Variants in ALKBH5 observed in about 807,000 individuals in gnomAD.
ALKBH5 encodes alkB homolog 5, RNA demethylase, also known as RNA demethylase ALKBH5.
Under a neutral mutation model 32.1 loss-of-function variants are expected in ALKBH5, and 2 were observed. That is an observed-to-expected ratio of 0.06 (90% CI 0.03 to 0.20). The LOEUF is 0.20. ALKBH5 is among the 10% of genes least tolerant of loss of function. The probability of loss-of-function intolerance (pLI) is 1.00; values close to 1 mark genes in which losing one functional copy is unlikely to be tolerated. For missense variants in ALKBH5, 352 were observed against 559.5 expected, an observed-to-expected ratio of 0.63 and a Z score of 3.74; for synonymous variants, 300 against 231.7, an observed-to-expected ratio of 1.29 and a Z score of -2.68.
chr17:18,185,625 A>G (rs969101146), intron 1 of ALKBH5, among the ~76,000 whole-genome samples: 6 of 152,250 alleles, frequency 3.9e-5, no homozygotes, highest in African/African-American at 1.4e-4. Context: ...AGAAGAGCCC[A>G]TCAGTTCTTT....
intron 2 of ALKBH5, among the ~76,000 whole-genome samples, chr17:18,198,025 C>T (rs187720641): frequency 1.3e-5 from 2 of 152,310 alleles, no homozygotes; most frequent in Admixed American, 1.3e-4. Context: ...GGCATACCTT[C>T]TCATCTAACA....
In ALKBH5 at chr17:18,184,142, A is replaced by C; in HGVS notation, c.-102A>C. 1 of 1,073,522 alleles carries C rather than the reference A, an allele frequency of 9.3e-7. No homozygotes were observed. Among genetic ancestry groups the C allele is most frequent in the Non-Finnish European group, 1.3e-6 (1 of 757,244 alleles). 66.5% of individuals were successfully genotyped at this position (1,073,522 alleles called of 1,614,324 possible). A position where few individuals can be genotyped will look rare whatever the true frequency, so the allele number is the denominator to read the frequency against. ...CACTCACGCATGGGGGTTCGGCGCT[A>C]AGGACCCCCCTCCCTCCGGGGGCCC... On this transcript the variant is annotated 5_prime_UTR_variant, in exon 1 of 4. An upstream open reading frame in the 5' UTR loses its in-frame stop. Transcript: ENST00000399138.
intron 2 of ALKBH5, among the ~76,000 whole-genome samples, chr17:18,204,056 G>T: frequency 6.6e-6 from 1 of 152,132 alleles, no homozygotes; most frequent in East Asian, 1.9e-4. Context: ...TCTTCAATGA[G>T]GCCCTTAGAG....
rs779379714 is a variant in ALKBH5 at position 18,184,366 on chromosome 17, A to AGCCGCAGCC, written c.129_137dup (p.Ala46_Ala48dup). 7 of 1,516,098 alleles carry AGCCGCAGCC rather than the reference A, an allele frequency of 4.6e-6. No individual in the cohort carries two copies. The highest frequency in any genetic ancestry group is 2.6e-5 in the East Asian group (1 of 38,856). 93.9% of individuals were successfully genotyped at this position (1,516,098 alleles called of 1,614,324 possible). ...CTGCCGCAGCCGCCGTAGCCGCCGC[A>AGCCGCAGCC]GCCGCAGCCGCCGCTGCCGCCGAAC... On this transcript the variant is annotated inframe_insertion, in exon 1 of 4. Transcript: ENST00000399138.
rs1290876028 is a variant in ALKBH5, at chr17:18,183,980, G to T, written c.-264G>T. The T allele has an allele frequency of 1.6e-6, 1 of 637,534 alleles. No homozygotes were observed. Among genetic ancestry groups the T allele is most frequent in the South Asian group, 1.5e-5 (1 of 64,720 alleles). The allele number at this position is 637,534 out of a possible 1,614,324, so 39.5% of individuals were successfully genotyped here. On this transcript the variant is annotated 5_prime_UTR_variant, in exon 1 of 4. Coordinates refer to ENST00000399138, the MANE Select transcript of ALKBH5 (RefSeq NM_017758.4). ...GCAGCAGCCCTCCGCGGCATGAGGCGCTGCCGGCGCCCCTGCCCCGCGGGA... is the reference window on the plus strand; with the variant it reads ...GCAGCAGCCCTCCGCGGCATGAGGCTCTGCCGGCGCCCCTGCCCCGCGGGA...
intron 2 of ALKBH5, chr17:18,206,581 T>G: frequency 6.7e-6 from 3 of 450,946 alleles, no homozygotes; most frequent in South Asian, 3.6e-5. Context: ...TCATTGGGAG[T>G]TTCCAGACAG....
rs1450031543 is a variant in ALKBH5 at position 18,184,390 on chromosome 17, A to G, written c.147A>G (p.Glu49=). Residue 49 remains glutamate (E), a synonymous_variant, in exon 1 of 4, where the codon GAA becomes GAG. Transcript: ENST00000399138. ...CAGCCGCAGCCGCCGCTGCCGCCGA[A>G]CCTTACCCTGTGTCCGGGGCCAAGC... ...AAAAAAAAAA[E]PYPVSGAKRK... 1.9e-6 allele frequency: 3 copies of G among 1,555,758 alleles called. No individual in the cohort carries two copies. Among genetic ancestry groups the G allele is most frequent in the Non-Finnish European group, 2.6e-6 (3 of 1,150,782 alleles).
chr17:18,204,313 T>C (rs574284937), intron 2 of ALKBH5, among the ~76,000 whole-genome samples: 68 of 152,132 alleles, frequency 4.5e-4, no homozygotes, highest in Admixed American at 4.4e-3. Context: ...TAGCCAGGCG[T>C]TGGGGTGCAT....
At position 18,201,779 on chromosome 17, in the gene ALKBH5, A is replaced by ATAGATAGATAGATAGG. The variant is rs1567676613; in HGVS notation, c.852-5029_852-5028insATAGATAGGTAGATAG. ...GATAGATAGATAGATAGATAGATAG[A>ATAGATAGATAGATAGG]TAGATAGGATAGATAAGATAGATAG... is the stretch of plus-strand genomic sequence containing the variant. On this transcript the variant is annotated intron_variant, in intron 2 of 3. Coordinates refer to ENST00000399138, the MANE Select transcript of ALKBH5 (RefSeq NM_017758.4). Among the ~76,000 whole-genome samples, 16 of 110,722 alleles carry ATAGATAGATAGATAGG rather than the reference A, an allele frequency of 1.4e-4. No individual in the cohort carries two copies. In the South Asian group the frequency reaches 3.3e-3, roughly 23 times the overall value. The allele number at this position is 110,722 out of a possible 152,430, so 72.6% of individuals were successfully genotyped here. A position where few individuals can be genotyped will look rare whatever the true frequency, so the allele number is the denominator to read the frequency against.
chr17:18,191,986 C>T (rs954300261), intron 1 of ALKBH5, among the ~76,000 whole-genome samples: 1 of 151,150 alleles, frequency 6.6e-6, no homozygotes, highest in Non-Finnish European at 1.5e-5. Flanking sequence ...CCTTTGACAG[C>T]TCTTTGGGAA....
chr17:18,202,053 A>AT (rs1214152652), intron 2 of ALKBH5, among the ~76,000 whole-genome samples: 1 of 152,050 alleles, frequency 6.6e-6, no homozygotes, highest in African/African-American at 2.4e-5. Flanking sequence ...CACGCCTGTA[A>AT]TTCCAGCACT....
At chr17:18,204,493 G>C (rs1412351481) in intron 2 of ALKBH5, among the ~76,000 whole-genome samples, 3 of 151,996 alleles carry the variant, frequency 2.0e-5, no homozygotes, top group Non-Finnish European at 2.9e-5. Context: ...CAGGTGTGGT[G>C]GCTCAGGCCC....
chr17:18,201,027 A>G (rs147248505), intron 2 of ALKBH5, among the ~76,000 whole-genome samples: 2 of 152,222 alleles, frequency 1.3e-5, no homozygotes, highest in Admixed American at 1.3e-4. Context: ...TCGAGGAGTC[A>G]GGAGACCTTC....
Position 18,184,903 on chromosome 17 carries a change from C to G in ALKBH5, c.660C>G (p.Phe220Leu). The change falls in exon 1 of 4, where the codon TTC becomes TTG. Residue 220 changes from phenylalanine (F) to leucine (L), a missense_variant. Phe to Leu is a conservative substitution (Grantham distance 22). Around this residue, in one of 4 missense-constraint regions of ALKBH5, gnomAD observed 56 missense variants for 238.1 expected, o/e 0.24. Transcript: ENST00000399138. ...IFERPIVSVS[F>L]FSDSALCFGC... is the part of the protein sequence containing the mutation. ...AGCGCCCCATCGTGTCCGTGTCCTT[C>G]TTTAGCGACTCTGCGCTGTGCTTCG... The G allele has an allele frequency of 6.2e-7, 1 of 1,614,234 alleles. No individual in the cohort carries two copies. The highest frequency in any genetic ancestry group is 8.5e-7 in the Non-Finnish European group (1 of 1,180,036).
In ALKBH5 at chr17:18,206,836, G is replaced by C. The variant is rs1567677757; in HGVS notation, c.873G>C (p.Arg291=). 4.3e-6 allele frequency: 7 copies of C among 1,614,182 alleles called. No homozygotes were observed. The highest frequency in any genetic ancestry group is 5.1e-6 in the Non-Finnish European group (6 of 1,180,016). The part of the protein sequence containing the change: ...ILRKTRLDAP[R]LETKSLSSSV... ...GCAGGACAAGATTAGATGCACCCCG[G>C]TTGGAAACAAAGTCCCTGAGCAGCT... The change falls in exon 3 of 4, where the codon CGG becomes CGC. Residue 291 remains arginine (R), a synonymous_variant. Coordinates refer to ENST00000399138, the MANE Select transcript of ALKBH5 (RefSeq NM_017758.4).
At chr17:18,201,728 G>T (rs1225724957) in intron 2 of ALKBH5, among the ~76,000 whole-genome samples, 1 of 147,064 alleles carries the variant, frequency 6.8e-6, no homozygotes, top group Admixed American at 6.9e-5. Context: ...TTGGGCTACA[G>T]GGTGAGACTC....
chr17:18,205,493 C>G (rs1313622094), intron 2 of ALKBH5, among the ~76,000 whole-genome samples: 3 of 152,212 alleles, frequency 2.0e-5, no homozygotes, highest in Non-Finnish European at 4.4e-5. Flanking sequence ...TGGTTCCCAG[C>G]TGGAAGGAAG....
At chr17:18,191,910 C>G (rs560841878) in intron 1 of ALKBH5, among the ~76,000 whole-genome samples, 5 of 150,484 alleles carry the variant, frequency 3.3e-5, no homozygotes, top group African/African-American at 1.2e-4. Context: ...GATCATGCCA[C>G]TGCACTCCAG....
chr17:18,184,332 C>T lies in ALKBH5; in HGVS notation c.89C>T (p.Ala30Val), dbSNP rs1163070686. ...AACTATAAGGCGGGCAGCCGGGAGG[C>T]CGCCGCCGCTGCCGCAGCCGCCGTA... ...RDNYKAGSRE[A>V]AAAAAAAVAA... Residue 30 changes from alanine (A) to valine (V), a missense_variant, in exon 1 of 4, where the codon GCC becomes GTC. By Grantham distance (64) the Ala-to-Val change is moderately conservative. Coordinates refer to ENST00000399138, the MANE Select transcript of ALKBH5 (RefSeq NM_017758.4). 6.0e-6 allele frequency: 9 copies of T among 1,511,586 alleles called. 1 individual carries two copies. Among genetic ancestry groups the T allele is most frequent in the Non-Finnish European group, 7.1e-6 (8 of 1,133,806 alleles). The allele number at this position is 1,511,586 out of a possible 1,614,324, so 93.6% of individuals were successfully genotyped here.
Sources: gnomAD v4.1 joint callset for allele counts (sites outside exome capture counted in the v4.1 genomes callset) on GRCh38, gnomAD v4.1.1 for gene constraint, gnomAD v4.1.1 regional missense constraint, MANE v1.5 for transcripts, NCBI Gene and HGNC (gene_info 2026-07-23, HGNC 2026-07-21) for gene names.